SLC9C2: variants seen among roughly 807,000 people sequenced by gnomAD.
The protein encoded by SLC9C2 is solute carrier family 9 member C2 (putative).
Under a neutral mutation model 140.2 loss-of-function variants are expected in SLC9C2, and 75 were observed. The ratio of observed to expected loss-of-function variants is 0.53; its 90% CI spans 0.44 to 0.65. SLC9C2 has a LOEUF of 0.65. Among genes scored for constraint, SLC9C2 ranks in the 30% least tolerant of loss-of-function variants. The probability of loss-of-function intolerance (pLI) is 0.00; values close to 1 mark genes in which losing one functional copy is unlikely to be tolerated. For synonymous variants in SLC9C2, 375 were observed against 420.9 expected, an observed-to-expected ratio of 0.89 and a Z score of 1.34; for missense variants, 1,074 against 1,331.8, an observed-to-expected ratio of 0.81 and a Z score of 3.01.
At chr1:173,539,447 A>G (rs1214329409) in intron 13 of SLC9C2, among the ~76,000 whole-genome samples, 1 of 152,234 alleles carries the variant, frequency 6.6e-6, no homozygotes, top group Non-Finnish European at 1.5e-5. Context: ...GACTGACTCC[A>G]GCAACCAATG....
At position 173,573,073 on chromosome 1, in the gene SLC9C2, C is replaced by T. The variant is rs557752616; in HGVS notation, c.1046+109G>A. On this transcript the variant is annotated intron_variant, in intron 9 of 27. Transcript: ENST00000367714. Reference sequence around the variant, plus strand: ...AAGGCCTTGATAACAATGCCGGTTTCCTGGCTCCATGTCCAGAGCCCTTTT... The same window carrying T: ...AAGGCCTTGATAACAATGCCGGTTTTCTGGCTCCATGTCCAGAGCCCTTTT... 14 of 717,446 alleles carry T rather than the reference C, an allele frequency of 2.0e-5. No individual in the cohort carries two copies. In the Admixed American group the frequency reaches 2.6e-4, roughly 13 times the overall value. 44.4% of individuals were successfully genotyped at this position (717,446 alleles called of 1,614,324 possible). A position where few individuals can be genotyped will look rare whatever the true frequency, so the allele number is the denominator to read the frequency against.
chr1:173,564,312 CCCA>C (rs1429554375), intron 9 of SLC9C2, among the ~76,000 whole-genome samples: 1 of 152,216 alleles, frequency 6.6e-6, no homozygotes, highest in Non-Finnish European at 1.5e-5. Flanking sequence ...AATCTACATT[CCCA>C]CCAACAGTGT....
Position 173,511,665 on chromosome 1 carries a change from A to C in SLC9C2, c.2908-1966T>G, listed in dbSNP as rs543573253. Among the ~76,000 whole-genome samples the C allele has an allele frequency of 2.6e-5, 4 of 152,062 alleles. No homozygotes were observed. In the East Asian group the frequency reaches 7.7e-4, roughly 29 times the overall value. On this transcript the variant is annotated intron_variant, in intron 23 of 27. Coordinates refer to ENST00000367714, the MANE Select transcript of SLC9C2 (RefSeq NM_178527.4). Reference sequence around the variant, plus strand: ...TGCAGAAGCTCTTTAATTAGATCTCATTTGTCAATTTAGGCTTTTGTTGCA... The same window carrying C: ...TGCAGAAGCTCTTTAATTAGATCTCCTTTGTCAATTTAGGCTTTTGTTGCA...
chr1:173,514,705 G>A (rs1480917048), intron 23 of SLC9C2, among the ~76,000 whole-genome samples: 1 of 152,072 alleles, frequency 6.6e-6, no homozygotes, highest in African/African-American at 2.4e-5. Context: ...TGGTTATTTT[G>A]CGTACTATGC....
At chr1:173,564,637 C>CTT (rs200972272) in intron 9 of SLC9C2, among the ~76,000 whole-genome samples, 54 of 119,726 alleles carry the variant, frequency 4.5e-4, no homozygotes, top group African/African-American at 1.4e-3. Flanking sequence ...TTTTCCTTTT[C>CTT]TTTTTTTTTT....
At chr1:173,557,791 T>TTCC (rs1663813273) in intron 9 of SLC9C2, among the ~76,000 whole-genome samples, 2 of 152,180 alleles carry the variant, frequency 1.3e-5, no homozygotes, top group Admixed American at 6.5e-5. Context: ...GGGTAGTAAA[T>TTCC]GCTCACAGGG....
chr1:173,550,420 T>TTTTATTTATTTATTTATTTA (rs754602433), intron 11 of SLC9C2, among the ~76,000 whole-genome samples: 4 of 143,388 alleles, frequency 2.8e-5, no homozygotes, highest in African/African-American at 1.1e-4. Flanking sequence ...TATTTTTTTA[T>TTTTATTTATTTATTTATTTA]TTTATTTATT....
At chr1:173,582,029 A>T in intron 6 of SLC9C2, 21 bp from the exon 7 acceptor site, 5 of 1,476,822 alleles carry the variant, frequency 3.4e-6, no homozygotes, top group Non-Finnish European at 4.5e-6. Context: ...GAAAGAAAAA[A>T]TAAGAAATAA....
chr1:173,560,200 T>C (rs1436523503), intron 9 of SLC9C2, among the ~76,000 whole-genome samples: 3 of 152,192 alleles, frequency 2.0e-5, no homozygotes, highest in African/African-American at 2.4e-5. Flanking sequence ...AGTTCATACA[T>C]AAAGAAGTGT....
intron 23 of SLC9C2, among the ~76,000 whole-genome samples, chr1:173,510,654 AG>A (rs1659977105): frequency 6.6e-6 from 1 of 152,164 alleles, no homozygotes; most frequent in African/African-American, 2.4e-5. Context: ...GTCCCTGCAA[AG>A]GACATGTTCT....
Position 173,524,025 on chromosome 1 carries a change from A to G in SLC9C2, c.2584T>C (p.Tyr862His), listed in dbSNP as rs778594295. The part of the protein sequence containing the change: ...KAIPPPTPDI[Y>H]LHNIIWLEGK... ...TCCAGCCAAATGATGTTGTGAAGGT[A>G]TATGTCAGGAGTTGGGGGTGGGATT... Residue 862 changes from tyrosine to histidine, a missense_variant, in exon 21 of 28, where the codon TAC becomes CAC. By Grantham distance (83) the Tyr-to-His change is moderately conservative (BLOSUM62 2). Transcript: ENST00000367714. 2.3e-5 allele frequency: 37 copies of G among 1,613,654 alleles called. No individual in the cohort carries two copies. The highest frequency in any genetic ancestry group is 3.3e-4 in the Middle Eastern group (2 of 6,082).
chr1:173,510,624 C>A (rs527866957), intron 23 of SLC9C2, among the ~76,000 whole-genome samples: 78 of 152,246 alleles, frequency 5.1e-4, no homozygotes, highest in African/African-American at 1.9e-3. Flanking sequence ...CTGAGGATGG[C>A]GGCTTCCAAT....
rs1334783400 is a variant in SLC9C2, at chr1:173,526,687, T to A, written c.2341A>T (p.Lys781Ter). Residue 781 changes from lysine (K) to a stop codon, truncating the protein, a stop_gained, in exon 19 of 28, where the codon AAA becomes TAA. Transcript: ENST00000367714. LOFTEE classifies it high-confidence loss of function. ...CCTAATTCTTTGACAGCATCCTGTT[T>A]GTTGGTTTCCAAAATTTCACATAGT... The part of the protein sequence containing the change: ...QKLCEILETN[K>*]QDAVKELVLM... 6.3e-7 allele frequency: 1 copy of A among 1,597,144 alleles called. No individual in the cohort carries two copies. Among genetic ancestry groups the A allele is most frequent in the Non-Finnish European group, 8.5e-7 (1 of 1,175,812 alleles).
chr1:173,526,417 G>A lies in SLC9C2; in HGVS notation c.2365+246C>T, dbSNP rs575153507. Reference sequence around the variant, plus strand: ...TGTACACTCCCATAACAACTAACAGGACTCTGCTAACTTTTTCAATTATCT... The same window carrying A: ...TGTACACTCCCATAACAACTAACAGAACTCTGCTAACTTTTTCAATTATCT... On this transcript the variant is annotated intron_variant, in intron 19 of 27. Coordinates refer to ENST00000367714, the MANE Select transcript of SLC9C2 (RefSeq NM_178527.4). Among the ~76,000 whole-genome samples the A allele has an allele frequency of 3.3e-5, 5 of 152,166 alleles. No homozygotes were observed. The East Asian group carries it at 9.6e-4, about 29-fold the overall frequency.
intron 23 of SLC9C2, among the ~76,000 whole-genome samples, chr1:173,515,771 C>T (rs901244530): frequency 3.9e-5 from 6 of 152,254 alleles, no homozygotes; most frequent in Admixed American, 2.6e-4. Context: ...AGTGTTTTTT[C>T]GTTTATTCTT....
chr1:173,537,340 C>A (rs1425570024), intron 13 of SLC9C2, among the ~76,000 whole-genome samples: 1 of 152,076 alleles, frequency 6.6e-6, no homozygotes, highest in Non-Finnish European at 1.5e-5. Context: ...GCAGGGGGAT[C>A]ACTTGAGTCC....
intron 18 of SLC9C2, among the ~76,000 whole-genome samples, chr1:173,529,489 A>G (rs1193138555): frequency 6.6e-6 from 1 of 151,832 alleles, no homozygotes; most frequent in Non-Finnish European, 1.5e-5. Context: ...CAGTACCAGG[A>G]TTTCAACTTT....
chr1:173,506,663 C>T (rs1269564078), intron 25 of SLC9C2, among the ~76,000 whole-genome samples, 193 bp downstream of exon 25: 1 of 152,212 alleles, frequency 6.6e-6, no homozygotes, highest in African/African-American at 2.4e-5. Context: ...GTCCCTTGGG[C>T]ACACCCTTGT....
At chr1:173,577,203 T>A (rs767312716) in intron 7 of SLC9C2, among the ~76,000 whole-genome samples, 1 of 152,236 alleles carries the variant, frequency 6.6e-6, no homozygotes, top group Non-Finnish European at 1.5e-5. Flanking sequence ...TGCCAAGTCC[T>A]GCTGGAGACC....
Sources: allele counts gnomAD v4.1 joint callset (sites outside exome capture counted in the v4.1 genomes callset), GRCh38; gene constraint gnomAD v4.1.1; transcripts MANE v1.5; gene names NCBI Gene and HGNC (gene_info 2026-07-23, HGNC 2026-07-21).